Variants in NGEF observed in about 807,000 individuals in gnomAD.
NGEF encodes the protein neuronal guanine nucleotide exchange factor.
NGEF carries 31 observed loss-of-function variants against 80.9 expected under a neutral mutation model. The observed-to-expected ratio is 0.38, with a 90% CI of 0.29 to 0.52. NGEF has a LOEUF of 0.52. Among genes scored for constraint, NGEF ranks in the 20% least tolerant of loss-of-function variants. NGEF has a pLI of 0.84. For synonymous variants in NGEF, 371 were observed against 370.2 expected (o/e 1.00, Z -0.03); for missense variants, 709 against 926.2 (o/e 0.77, Z 3.04).
intron 1 of NGEF, among the ~76,000 whole-genome samples, chr2:232,998,482 A>G (rs1694901910): frequency 6.6e-6 from 1 of 152,188 alleles, no homozygotes; most frequent in South Asian, 2.1e-4. Flanking sequence ...CCAGAGACAG[A>G]GCCAGAGGCC....
chr2:232,928,161 C>T, intron 3 of NGEF: 18 of 976,748 alleles, frequency 1.8e-5, no homozygotes, highest in Non-Finnish European at 2.2e-5. Context: ...CTCCCGCGGG[C>T]GGGCGCGCGC....
At chr2:232,934,420 A>G (rs1693286472) in intron 3 of NGEF, among the ~76,000 whole-genome samples, 1 of 152,046 alleles carries the variant, frequency 6.6e-6, no homozygotes, top group Non-Finnish European at 1.5e-5. Context: ...GAAAATATTA[A>G]AGTGAAATTA....
intron 3 of NGEF, among the ~76,000 whole-genome samples, chr2:232,961,835 A>G (rs1693959456): frequency 6.6e-6 from 1 of 152,178 alleles, no homozygotes; most frequent in Admixed American, 6.5e-5. Context: ...GCCAGCTGAG[A>G]TGAATGGTCA....
rs551387842 is a variant in NGEF, at chr2:232,897,283, A to T, written c.829-2367T>A. Among the ~76,000 whole-genome samples, 4 of 152,070 alleles carry T rather than the reference A, an allele frequency of 2.6e-5. No homozygotes were observed. In the South Asian group the frequency reaches 8.3e-4, roughly 32 times the overall value. On this transcript the variant is annotated intron_variant, in intron 5 of 14. Transcript: ENST00000264051. ...AAGCAGGAGCTCCAGGGTTAGAGGCATTTGTTCCCAGAACACAGTGGGCCC... is the reference window on the plus strand; with the variant it reads ...AAGCAGGAGCTCCAGGGTTAGAGGCTTTTGTTCCCAGAACACAGTGGGCCC...
In NGEF at chr2:232,966,230, C is replaced by A. The variant is rs542445335; in HGVS notation, c.383+3984G>T. ...GGCCCTGTGGGGGTCCTTAGACATG[C>A]CTCCCGGGAGGTCTCTGACCACAAT... On this transcript the variant is annotated intron_variant, in intron 3 of 14. Transcript: ENST00000264051. 3.9e-5 allele frequency among the ~76,000 whole-genome samples: 6 copies of A among 152,246 alleles called. No individual in the cohort carries two copies. The East Asian group carries it at 1.2e-3, about 29-fold the overall frequency.
chr2:232,880,780 G>GTCAGGTCAGGGTCAGGTCTGGA lies in NGEF; in HGVS notation c.1942+365_1942+366insTCCAGACCTGACCCTGACCTGA, dbSNP rs572398496. ...CCTGAAGCTGCAAGTACAGGTCTGG[G>GTCAGGTCAGGGTCAGGTCTGGA]TCAGGTCAGGCTTAGGATGTTCCTG... On this transcript the variant is annotated intron_variant, in intron 14 of 14. Coordinates refer to ENST00000264051, the MANE Select transcript of NGEF (RefSeq NM_019850.3). Among the ~76,000 whole-genome samples the GTCAGGTCAGGGTCAGGTCTGGA allele has an allele frequency of 2.0e-5, 3 of 152,172 alleles. No homozygotes were observed. The East Asian group carries it at 5.8e-4, about 29-fold the overall frequency.
intron 13 of NGEF, 60 bp from the exon 14 acceptor site, chr2:232,881,310 A>G: frequency 7.4e-7 from 1 of 1,349,768 alleles, no homozygotes; most frequent in South Asian, 1.2e-5. Flanking sequence ...GCACACTCCC[A>G]CCAAGCCCGC....
At chr2:232,915,910 C>T (rs1247345500) in intron 5 of NGEF, among the ~76,000 whole-genome samples, 7 of 152,088 alleles carry the variant, frequency 4.6e-5, no homozygotes, top group Non-Finnish European at 1.0e-4. Context: ...AGGCTGGTCT[C>T]GAACTCCCGA....
intron 1 of NGEF, among the ~76,000 whole-genome samples, chr2:233,007,237 C>T (rs1000765421): frequency 4.6e-5 from 7 of 152,108 alleles, no homozygotes; most frequent in African/African-American, 1.4e-4. Context: ...GAGCAAGACC[C>T]TGTCTCAAAT....
At chr2:232,907,690 A>C (rs202236024) in intron 5 of NGEF, among the ~76,000 whole-genome samples, 1 of 4,908 alleles carries the variant, frequency 2.0e-4, no homozygotes, top group Non-Finnish European at 3.9e-4. Flanking sequence ...AAAAGAAAGT[A>C]AAAAAAAAAT....
intron 1 of NGEF, among the ~76,000 whole-genome samples, chr2:233,011,602 A>C (rs1022733312): frequency 4.6e-5 from 7 of 151,332 alleles, no homozygotes; most frequent in Non-Finnish European, 1.0e-4. Flanking sequence ...AAAAAAAAAA[A>C]AAGGAACAGA....
intron 3 of NGEF, among the ~76,000 whole-genome samples, chr2:232,960,029 A>G (rs80284120): frequency 0.2 from 29,841 of 152,124 alleles, 3,083 homozygotes; most frequent in East Asian, 0.34. Flanking sequence ...GGTGACTCCC[A>G]CGTTTAATGC....
intron 5 of NGEF, among the ~76,000 whole-genome samples, chr2:232,897,527 C>A (rs1028338047): frequency 3.9e-5 from 6 of 152,156 alleles, no homozygotes; most frequent in Non-Finnish European, 8.8e-5. Context: ...CAGGAGCTCT[C>A]ACTGCTGCTT....
intron 8 of NGEF, among the ~76,000 whole-genome samples, chr2:232,888,928 G>C (rs1201084768): frequency 6.6e-6 from 1 of 152,130 alleles, no homozygotes; most frequent in Non-Finnish European, 1.5e-5. Context: ...TCCTCTTAGC[G>C]GTCCCCACCA....
intron 1 of NGEF, among the ~76,000 whole-genome samples, chr2:233,003,138 G>A (rs1463945736): frequency 6.6e-6 from 1 of 152,152 alleles, no homozygotes; most frequent in African/African-American, 2.4e-5. Flanking sequence ...TGAGTTAATC[G>A]TGAATAACCC....
rs1356901160 is a variant in NGEF, at chr2:232,936,585, A to G, written c.384-9399T>C. Among the ~76,000 whole-genome samples the G allele has an allele frequency of 4.6e-5, 7 of 152,254 alleles. No homozygotes were observed. In the East Asian group the frequency reaches 1.4e-3, roughly 29 times the overall value. On this transcript the variant is annotated intron_variant, in intron 3 of 14. Coordinates refer to ENST00000264051, the MANE Select transcript of NGEF (RefSeq NM_019850.3). ...CACATCTTTGTGACCAAGCCTCAAT[A>G]AGAACTCTGGACACCAAGGCACAGG...
chr2:232,999,261 C>CT (rs1221360050), intron 1 of NGEF, among the ~76,000 whole-genome samples: 3 of 152,052 alleles, frequency 2.0e-5, no homozygotes, highest in Admixed American at 1.3e-4. Flanking sequence ...ATAGTTTTTA[C>CT]TTTTTGGTGT....
intron 4 of NGEF, among the ~76,000 whole-genome samples, chr2:232,922,322 G>A (rs983162425): frequency 6.6e-6 from 1 of 152,166 alleles, no homozygotes; most frequent in Non-Finnish European, 1.5e-5. Flanking sequence ...TGAACAGGAA[G>A]CTAGTAAGGC....
At chr2:232,947,810 A>G (rs374558386) in intron 3 of NGEF, among the ~76,000 whole-genome samples, 1 of 152,224 alleles carries the variant, frequency 6.6e-6, no homozygotes, top group Non-Finnish European at 1.5e-5. Context: ...ATTCTACAAG[A>G]TAAGAGGCCT....
Sources: gnomAD v4.1 joint callset for allele counts (sites outside exome capture counted in the v4.1 genomes callset) on GRCh38, gnomAD v4.1.1 for gene constraint, MANE v1.5 for transcripts, NCBI Gene and HGNC (gene_info 2026-07-23, HGNC 2026-07-21) for gene names.